Variants in PLEKHA8 observed in about 807,000 individuals in gnomAD.
The protein encoded by PLEKHA8 is pleckstrin homology domain containing A8, also known as pleckstrin homology domain-containing family A member 8.
PLEKHA8 carries 36 observed loss-of-function variants against 68.2 expected under a neutral mutation model. That is an observed-to-expected ratio of 0.53 (90% confidence interval 0.40 to 0.70). The LOEUF (loss-of-function observed/expected upper bound fraction) is 0.70, where lower values mean the gene tolerates loss of function less well. Ranked by LOEUF, PLEKHA8 falls within the 30% of genes least tolerant of loss-of-function variation. PLEKHA8 has a pLI of 0.00. For synonymous variants in PLEKHA8, 211 were observed against 216.1 expected (o/e 0.98, Z 0.20); for missense variants, 505 against 615.4 (o/e 0.82, Z 1.90).
chr7:30,115,711 TACGCGCA>T (rs1796440029), intron 13 of PLEKHA8: 1 of 116,216 alleles, frequency 8.6e-6, no homozygotes, highest in Admixed American at 8.6e-5. Context: ...CATGTATACA[TACGCGCA>T]TGCATGCATA....
In PLEKHA8 at chr7:30,084,266, T is replaced by C. The variant is rs922266585; in HGVS notation, c.*5479T>C. ...TGTTTAATTCCATGCCTAGTATTCT[T>C]ATGAATGTTTGTGGTTTCATAGATT... On this transcript the variant is annotated 3_prime_UTR_variant, in exon 14 of 14. Coordinates refer to ENST00000449726, the MANE Select transcript of PLEKHA8 (RefSeq NM_001197026.2). The C allele has an allele frequency of 2.0e-6, 2 of 985,434 alleles. No individual in the cohort carries two copies. Among genetic ancestry groups the C allele is most frequent in the East Asian group, 1.1e-4 (1 of 8,826 alleles). The allele number at this position is 985,434 out of a possible 1,614,324, so 61.0% of individuals were successfully genotyped here.
At chr7:30,040,719 G>A (rs1473702906) in intron 1 of PLEKHA8, among the ~76,000 whole-genome samples, 2 of 152,152 alleles carry the variant, frequency 1.3e-5, no homozygotes, top group Non-Finnish European at 2.9e-5. Flanking sequence ...ATAATACAAA[G>A]CGTATGAAAT....
At chr7:30,102,167 A>G (rs1023003192) in intron 13 of PLEKHA8, among the ~76,000 whole-genome samples, 4 of 152,266 alleles carry the variant, frequency 2.6e-5, no homozygotes, top group African/African-American at 9.6e-5. Flanking sequence ...CAGATGGCCA[A>G]TAAGCACATG....
chr7:30,101,947 T>C (rs1374742872), intron 13 of PLEKHA8, among the ~76,000 whole-genome samples: 1 of 152,092 alleles, frequency 6.6e-6, no homozygotes, highest in Non-Finnish European at 1.5e-5. Context: ...CTTTATCAAA[T>C]TAAAAAACTT....
chr7:30,080,193 T>C lies in PLEKHA8; in HGVS notation c.*1406T>C. On this transcript the variant is annotated 3_prime_UTR_variant, in exon 14 of 14. Transcript: ENST00000449726. Reference sequence around the variant, plus strand: ...ACTTAAGAAAACAGTTTCTTAAACTTCTTAAAACTTAAGAAACATTGTTTC... The same window carrying C: ...ACTTAAGAAAACAGTTTCTTAAACTCCTTAAAACTTAAGAAACATTGTTTC... The C allele has an allele frequency of 1.0e-6, 1 of 985,362 alleles. No individual in the cohort carries two copies. The highest frequency in any genetic ancestry group is 1.2e-6 in the Non-Finnish European group (1 of 829,868). 61.0% of individuals were successfully genotyped at this position (985,362 alleles called of 1,614,324 possible). A position where few individuals can be genotyped will look rare whatever the true frequency, so the allele number is the denominator to read the frequency against.
Position 30,046,287 on chromosome 7 carries a change from G to A in PLEKHA8, c.235G>A (p.Ala79Thr). 1 of 1,614,010 alleles carries A rather than the reference G, an allele frequency of 6.2e-7. No individual in the cohort carries two copies. The highest frequency in any genetic ancestry group is 8.5e-7 in the Non-Finnish European group (1 of 1,179,914). ...TTTCTACCTGAAGGCCAGAAGTGTG[G>A]CTGAAAGACAGCGGTGGCTGGTGGC... ...QYFYLKARSV[A>T]ERQRWLVALG... Residue 79 changes from alanine (A) to threonine (T), a missense_variant, in exon 3 of 14, where the codon GCT (alanine) becomes ACT (threonine). By Grantham distance (58) the Ala-to-Thr change is moderately conservative (BLOSUM62 0). Transcript: ENST00000449726.
Position 30,083,367 on chromosome 7 carries a change from G to C in PLEKHA8, c.*4580G>C, listed in dbSNP as rs2128001289. 3.0e-6 allele frequency: 3 copies of C among 984,262 alleles called. No individual in the cohort carries two copies. Among genetic ancestry groups the C allele is most frequent in the Non-Finnish European group, 3.6e-6 (3 of 828,912 alleles). 61.0% of individuals were successfully genotyped at this position (984,262 alleles called of 1,614,324 possible). A position where few individuals can be genotyped will look rare whatever the true frequency, so the allele number is the denominator to read the frequency against. On this transcript the variant is annotated 3_prime_UTR_variant, in exon 14 of 14. Coordinates refer to ENST00000449726, the MANE Select transcript of PLEKHA8 (RefSeq NM_001197026.2). Reference sequence around the variant, plus strand: ...AGCTGTCTAATGGTATTTTAAGACTGTTTATCTGTATCACAACGTCATTAG... The same window carrying C: ...AGCTGTCTAATGGTATTTTAAGACTCTTTATCTGTATCACAACGTCATTAG...
intron 2 of PLEKHA8, 52 bp downstream of exon 2, chr7:30,045,253 A>T (rs1002433916): frequency 3.5e-6 from 5 of 1,420,386 alleles, no homozygotes; most frequent in Admixed American, 3.8e-5. Context: ...TTTTCCCTCA[A>T]AAACAAAAAA....
At chr7:30,108,485 A>T (rs1256153776) in intron 13 of PLEKHA8, among the ~76,000 whole-genome samples, 1 of 151,912 alleles carries the variant, frequency 6.6e-6, no homozygotes, top group African/African-American at 2.4e-5. Context: ...AATGGGTTTT[A>T]TTTTTATCTT....
Position 30,080,176 on chromosome 7 carries a change from A to C in PLEKHA8, c.*1389A>C. The C allele has an allele frequency of 1.0e-6, 1 of 985,326 alleles. No individual in the cohort carries two copies. Among genetic ancestry groups the C allele is most frequent in the Non-Finnish European group, 1.2e-6 (1 of 829,842 alleles). 61.0% of individuals were successfully genotyped at this position (985,326 alleles called of 1,614,324 possible). On this transcript the variant is annotated 3_prime_UTR_variant, in exon 14 of 14. Coordinates refer to ENST00000449726, the MANE Select transcript of PLEKHA8 (RefSeq NM_001197026.2). ...CATAGTTGAAAGATGAGACTTAAGA[A>C]AACAGTTTCTTAAACTTCTTAAAAC...
At chr7:30,062,484 G>T (rs903522989) in intron 11 of PLEKHA8, among the ~76,000 whole-genome samples, 188 bp from the exon 12 acceptor site, 3 of 152,148 alleles carry the variant, frequency 2.0e-5, no homozygotes, top group African/African-American at 7.2e-5. Flanking sequence ...TGAGATGAAA[G>T]ATGGGCTCCA....
At chr7:30,059,055 A>T (rs1793225466) in intron 9 of PLEKHA8, among the ~76,000 whole-genome samples, 1 of 152,242 alleles carries the variant, frequency 6.6e-6, no homozygotes, top group African/African-American at 2.4e-5. Context: ...TGGGATATCA[A>T]GGCTGCAGTG....
At chr7:30,126,437 A>G (rs1161372551) in intron 13 of PLEKHA8, among the ~76,000 whole-genome samples, 2 of 152,228 alleles carry the variant, frequency 1.3e-5, no homozygotes, top group Non-Finnish European at 2.9e-5. Flanking sequence ...AGTTACTTAC[A>G]TAAGGCTAAA....
chr7:30,032,753 C>T (rs188863042), intron 1 of PLEKHA8, among the ~76,000 whole-genome samples: 69 of 152,280 alleles, frequency 4.5e-4, no homozygotes, highest in African/African-American at 1.5e-3. Flanking sequence ...CAATGTTGTG[C>T]ATATGTTTTG....
chr7:30,084,727 C>G, downstream of PLEKHA8: 1 of 756,600 alleles, frequency 1.3e-6, no homozygotes, highest in Non-Finnish European at 1.6e-6. Context: ...ATGGAACACA[C>G]ATGACTTGCT....
At chr7:30,038,065 G>T (rs1791237829) in intron 1 of PLEKHA8, among the ~76,000 whole-genome samples, 1 of 152,100 alleles carries the variant, frequency 6.6e-6, no homozygotes, top group South Asian at 2.1e-4. Flanking sequence ...TAAGGCAAAA[G>T]TTCTGAAGGA....
intron 13 of PLEKHA8, among the ~76,000 whole-genome samples, chr7:30,076,103 A>G (rs1562533891): frequency 6.6e-6 from 1 of 151,848 alleles, no homozygotes; most frequent in Non-Finnish European, 1.5e-5. Context: ...TATGTGTATA[A>G]TTGTCTTTAT....
At position 30,116,720 on chromosome 7, in the gene PLEKHA8, T is replaced by C. The variant is rs549016712; in HGVS notation, c.1363-12546T>C. On this transcript the variant is annotated intron_variant, in intron 13 of 13. Coordinates refer to the PLEKHA8 transcript ENST00000396257. ...ATAACTTTATATTTCCGGTCTCCAATTTGCTGCAACTAAATCTTAGCTACT... is the reference window on the plus strand; with the variant it reads ...ATAACTTTATATTTCCGGTCTCCAACTTGCTGCAACTAAATCTTAGCTACT... Among the ~76,000 whole-genome samples, 8 of 152,336 alleles carry C rather than the reference T, an allele frequency of 5.3e-5. No homozygotes were observed. The South Asian group carries it at 1.0e-3, about 20-fold the overall frequency.
chr7:30,099,808 A>G (rs1405368529), intron 13 of PLEKHA8, among the ~76,000 whole-genome samples: 1 of 152,260 alleles, frequency 6.6e-6, no homozygotes, highest in Non-Finnish European at 1.5e-5. Context: ...ACTAGATAAC[A>G]TAACAAAAAA....
Sources: allele counts gnomAD v4.1 joint callset (sites outside exome capture counted in the v4.1 genomes callset), GRCh38; gene constraint gnomAD v4.1.1; transcripts MANE v1.5; gene names NCBI Gene and HGNC (gene_info 2026-07-23, HGNC 2026-07-21).